Variants in DOCK1 observed in about 807,000 individuals in gnomAD.
The protein encoded by DOCK1 is dedicator of cytokinesis protein 1.
In DOCK1, 138 loss-of-function variants were observed where a neutral mutation model predicts 262.7. That is an observed-to-expected ratio of 0.53 (90% confidence interval 0.46 to 0.61). The LOEUF (loss-of-function observed/expected upper bound fraction) is 0.61, where lower values mean the gene tolerates loss of function less well. Ranked by LOEUF, DOCK1 falls within the 20% of genes least tolerant of loss-of-function variation. DOCK1 has a pLI of 0.00. For synonymous variants in DOCK1, 866 were observed against 867.4 expected, an observed-to-expected ratio of 1.00 and a Z score of 0.03; for missense variants, 1,908 against 2,370.7, an observed-to-expected ratio of 0.80 and a Z score of 4.05.
At chr10:127,362,889 A>C (rs1168556237) in intron 33 of DOCK1, among the ~76,000 whole-genome samples, 12 of 83,916 alleles carry the variant, frequency 1.4e-4, no homozygotes, top group African/African-American at 6.0e-4. Flanking sequence ...ACATCCCCAC[A>C]CACACACACA....
chr10:127,272,176 T>C (rs978732596), intron 29 of DOCK1: 1 of 152,264 alleles, frequency 6.6e-6, no homozygotes, highest in Admixed American at 6.5e-5. Flanking sequence ...AAATTGAAGA[T>C]ACAAATTATG....
intron 29 of DOCK1, among the ~76,000 whole-genome samples, chr10:127,304,819 T>C (rs1453289340): frequency 6.6e-6 from 1 of 152,124 alleles, no homozygotes; most frequent in African/African-American, 2.4e-5. Flanking sequence ...GAGTTCAAGA[T>C]TGCAGAGAGC....
chr10:126,996,862 G>A lies in DOCK1; in HGVS notation c.588G>A (p.Glu196=), dbSNP rs1591580131. ...ATGAAATAGCTTCTAAACAAGTGGAGGAAAGGTTACAAGAGGAAAAAGTAA... is the reference window on the plus strand; with the variant it reads ...ATGAAATAGCTTCTAAACAAGTGGAAGAAAGGTTACAAGAGGAAAAAGTAA... The part of the protein sequence containing the change: ...RAHEIASKQV[E]ERLQEEKSQK... The change falls in exon 7 of 52, where the codon GAG becomes GAA. Residue 196 remains glutamate, a synonymous_variant. Transcript: ENST00000623213. 6.2e-7 allele frequency: 1 copy of A among 1,602,352 alleles called. No individual in the cohort carries two copies. Among genetic ancestry groups the A allele is most frequent in the Non-Finnish European group, 8.5e-7 (1 of 1,175,722 alleles).
At chr10:127,121,579 C>T (rs2049582670) in intron 25 of DOCK1, among the ~76,000 whole-genome samples, 1 of 151,812 alleles carries the variant, frequency 6.6e-6, no homozygotes, top group Non-Finnish European at 1.5e-5. Context: ...CTTACTGTTA[C>T]TTAAAACGTG....
rs558931223 is a variant in DOCK1, at chr10:126,985,312, G to T, written c.228-2209G>T. Among the ~76,000 whole-genome samples the T allele has an allele frequency of 8.5e-5, 13 of 152,112 alleles. No homozygotes were observed. In the East Asian group the frequency reaches 2.1e-3, roughly 25 times the overall value. On this transcript the variant is annotated intron_variant, in intron 4 of 51. Coordinates refer to ENST00000623213, the MANE Select transcript of DOCK1 (RefSeq NM_001290223.2). ...ATTCTTAAAGATGCTCTGCCTTGAT[G>T]CACTTTCCCTCAGTCTTACCAGCAG... is the stretch of plus-strand genomic sequence containing the variant.
intron 28 of DOCK1, among the ~76,000 whole-genome samples, chr10:127,253,836 C>T (rs11016971): frequency 0.34 from 48,229 of 143,696 alleles, 9,187 homozygotes; most frequent in South Asian, 0.57. Context: ...GATTATGCCA[C>T]TGCACTCCAG....
At chr10:127,219,824 C>T (rs1292213553) in intron 27 of DOCK1, among the ~76,000 whole-genome samples, 1 of 152,106 alleles carries the variant, frequency 6.6e-6, no homozygotes, top group African/African-American at 2.4e-5. Context: ...TATCCCATCC[C>T]CGTCTTCAGC....
chr10:127,172,095 T>TC (rs1491495634), intron 27 of DOCK1, among the ~76,000 whole-genome samples: 1 of 152,194 alleles, frequency 6.6e-6, no homozygotes, highest in Non-Finnish European at 1.5e-5. Context: ...TTTCCTGTTT[T>TC]CTTTTTTTGT....
At chr10:127,237,938 A>G (rs995888986) in intron 27 of DOCK1, among the ~76,000 whole-genome samples, 3 of 152,220 alleles carry the variant, frequency 2.0e-5, no homozygotes, top group Non-Finnish European at 4.4e-5. Flanking sequence ...AGTGTTAAAC[A>G]CACGTACCCA....
chr10:127,052,574 A>T, intron 21 of DOCK1, 107 bp from the exon 22 acceptor site: 1 of 1,501,070 alleles, frequency 6.7e-7, no homozygotes, highest in Non-Finnish European at 9.1e-7. Context: ...ATATACTGAT[A>T]GATGGAAACC....
chr10:127,268,859 C>T (rs575829476), intron 29 of DOCK1, among the ~76,000 whole-genome samples: 1 of 152,136 alleles, frequency 6.6e-6, no homozygotes, highest in Non-Finnish European at 1.5e-5. Flanking sequence ...GCCTCCAGTC[C>T]TGCCTGGCAT....
intron 25 of DOCK1, among the ~76,000 whole-genome samples, chr10:127,111,565 T>C (rs75817765): frequency 0.012 from 1,819 of 152,240 alleles, 94 homozygotes; most frequent in Admixed American, 0.082. Flanking sequence ...TTTCCAAGAC[T>C]TGGGTACTCT....
At chr10:127,125,657 C>T in intron 26 of DOCK1, 56 bp downstream of exon 26, 1 of 1,587,314 alleles carries the variant, frequency 6.3e-7, no homozygotes, top group Non-Finnish European at 8.6e-7. Context: ...TGCCATTTGC[C>T]TTGCAGTACA....
chr10:127,176,288 C>T lies in DOCK1; in HGVS notation c.2847+48524C>T. On this transcript the variant is annotated intron_variant, in intron 27 of 51. Transcript: ENST00000623213. The surrounding 1 kb of genome is among the most constrained non-coding windows in gnomAD (Gnocchi z 4.4). ...GGGCTTTGTTCCGTTTTTTAATCTG[C>T]CGGTTGGGGTCCAGGGCGTATTTCA... is the stretch of plus-strand genomic sequence containing the variant. 1 of 1,614,054 alleles carries T rather than the reference C, an allele frequency of 6.2e-7. No individual in the cohort carries two copies. The highest frequency in any genetic ancestry group is 8.5e-7 in the Non-Finnish European group (1 of 1,180,028).
chr10:127,110,908 A>G (rs995893216), intron 25 of DOCK1, among the ~76,000 whole-genome samples: 4 of 152,130 alleles, frequency 2.6e-5, no homozygotes, highest in African/African-American at 9.7e-5. Context: ...TTAAATTAAT[A>G]TTTTACCCTT....
intron 44 of DOCK1, among the ~76,000 whole-genome samples, chr10:127,417,206 A>G (rs1198889336): frequency 6.6e-6 from 1 of 152,270 alleles, no homozygotes; most frequent in Admixed American, 6.5e-5. Context: ...GAGCAAAGTT[A>G]TTGCTGAGGT....
At chr10:127,259,897 G>A (rs759194373) in intron 29 of DOCK1, among the ~76,000 whole-genome samples, 10 of 151,272 alleles carry the variant, frequency 6.6e-5, no homozygotes, top group African/African-American at 1.9e-4. Context: ...CCAACCCTGC[G>A]CTACGTAAGG....
chr10:127,188,939 G>A (rs923136233), intron 27 of DOCK1, among the ~76,000 whole-genome samples: 6 of 152,346 alleles, frequency 3.9e-5, no homozygotes, highest in African/African-American at 1.4e-4. Context: ...GGGCAAAGGA[G>A]GACAGCCTGG....
chr10:127,066,216 G>A (rs372629955), intron 23 of DOCK1, among the ~76,000 whole-genome samples: 8 of 151,670 alleles, frequency 5.3e-5, no homozygotes, highest in Non-Finnish European at 8.8e-5. Flanking sequence ...AGGTGCCCCC[G>A]CCGCCCCCAG....
Sources: gnomAD v4.1 joint callset for allele counts (sites outside exome capture counted in the v4.1 genomes callset) on GRCh38, gnomAD v4.1.1 for gene constraint, Gnocchi (gnomAD v3.1) non-coding constraint, MANE v1.5 for transcripts, NCBI Gene and HGNC (gene_info 2026-07-23, HGNC 2026-07-21) for gene names.